Variants in ERG observed in about 807,000 individuals in gnomAD.
ERG encodes ETS transcription factor ERG.
ERG carries 9 observed loss-of-function variants against 55.3 expected under a neutral mutation model. The ratio of observed to expected loss-of-function variants is 0.16; its 90% confidence interval spans 0.10 to 0.28. The LOEUF is 0.28. Among genes scored for constraint, ERG ranks in the 10% least tolerant of loss-of-function variants. The pLI is 1.00. For missense variants in ERG, 434 were observed against 631.6 expected (o/e 0.69, Z 3.35); for synonymous variants, 223 against 237.3 (o/e 0.94, Z 0.55).
chr21:38,586,013 C>T (rs796637178), upstream of ERG, among the ~76,000 whole-genome samples: 3 of 151,892 alleles, frequency 2.0e-5, no homozygotes, highest in African/African-American at 7.2e-5. Flanking sequence ...AGAGGATGAC[C>T]TGAGAAAAGT....
chr21:38,641,942 A>T (rs1193278209), intron 1 of ERG, among the ~76,000 whole-genome samples: 1 of 152,186 alleles, frequency 6.6e-6, no homozygotes. Context: ...TTGGCCTGGG[A>T]TAGGACCTGG....
In ERG at chr21:38,391,014, A is replaced by G. The variant is rs745382097; in HGVS notation, c.900T>C (p.Ser300=). The change falls in exon 9 of 10, where the codon AGT becomes AGC. Residue 300 remains serine (S), a synonymous_variant. Coordinates refer to ENST00000288319, the MANE Select transcript of ERG (RefSeq NM_182918.4). The part of the protein sequence containing the change: ...LDPYQILGPT[S]SRLANPGSGQ... The stretch of plus-strand genomic sequence containing the variant: ...TCTCACCTGGATTTGCAAGGCGGCT[A>G]CTTGTTGGTCCAAGAATCTGATAAG... 3 of 1,613,820 alleles carry G rather than the reference A, an allele frequency of 1.9e-6. No homozygotes were observed. Among genetic ancestry groups the G allele is most frequent in the Non-Finnish European group, 2.5e-6 (3 of 1,179,790 alleles).
intron 1 of ERG, among the ~76,000 whole-genome samples, chr21:38,593,257 G>A (rs1162713949): frequency 1.3e-5 from 2 of 152,148 alleles, no homozygotes; most frequent in African/African-American, 2.4e-5. Context: ...TTTGAAAGGC[G>A]GATGACATCA....
chr21:38,624,044 G>A (rs1210665573), intron 1 of ERG, among the ~76,000 whole-genome samples: 3 of 152,072 alleles, frequency 2.0e-5, no homozygotes, highest in East Asian at 1.9e-4. Flanking sequence ...AAAGCATCTC[G>A]GCCTTCATCC....
chr21:38,521,293 C>G (rs1334252026), intron 2 of ERG, among the ~76,000 whole-genome samples: 2 of 152,152 alleles, frequency 1.3e-5, no homozygotes, highest in Non-Finnish European at 2.9e-5. Context: ...ATCACAAAAC[C>G]TTACTAGATA....
rs1254364539 is a variant in ERG, at chr21:38,423,629, A to G, written c.237-68T>C. 1.9e-5 allele frequency: 29 copies of G among 1,495,786 alleles called. No individual in the cohort carries two copies. In the Middle Eastern group the frequency reaches 7.1e-4, roughly 36 times the overall value. 92.7% of individuals were successfully genotyped at this position (1,495,786 alleles called of 1,614,324 possible). On this transcript the variant is annotated intron_variant, in intron 2 of 9. Transcript: ENST00000288319. ...GAGCATGTCTCCATCGACTTCTCAC[A>G]ATACACAGAGAGAACCAAAGAAGGG... is the stretch of plus-strand genomic sequence containing the variant.
intron 1 of ERG, among the ~76,000 whole-genome samples, chr21:38,651,199 T>C (rs1193791642): frequency 6.6e-6 from 1 of 152,216 alleles, no homozygotes; most frequent in Non-Finnish European, 1.5e-5. Context: ...TTCCCTCCAA[T>C]GTAAAAACTG....
intron 1 of ERG, among the ~76,000 whole-genome samples, chr21:38,641,183 C>G (rs1355138618): frequency 6.6e-6 from 1 of 152,166 alleles, no homozygotes; most frequent in Non-Finnish European, 1.5e-5. Flanking sequence ...AAGGTAATGG[C>G]ATTAGGAGCT....
intron 1 of ERG, among the ~76,000 whole-genome samples, chr21:38,620,543 G>C (rs964797067): frequency 6.6e-6 from 1 of 152,124 alleles, no homozygotes; most frequent in Non-Finnish European, 1.5e-5. Context: ...GTAAGGAATG[G>C]AATTTTTAAT....
chr21:38,565,407 G>A (rs576941124), intron 2 of ERG, among the ~76,000 whole-genome samples: 25 of 152,078 alleles, frequency 1.6e-4, no homozygotes, highest in Non-Finnish European at 1.9e-4. Context: ...TTCTCCTCCC[G>A]CAGTGTGCCA....
At chr21:38,374,424 C>T in the ERG span, among the ~76,000 whole-genome samples, 3 of 152,094 alleles carry the variant, frequency 2.0e-5, no homozygotes, top group Non-Finnish European at 2.9e-5. Context: ...GTGGACTTCC[C>T]GAGTAGAAAG....
At chr21:38,451,330 T>A (rs74946238) in intron 1 of ERG, 100 of 419,998 alleles carry the variant, frequency 2.4e-4, no homozygotes, top group African/African-American at 2.0e-3. Context: ...GTTAATCATT[T>A]CTTTTGCAAT....
chr21:38,400,562 G>A lies in ERG; in HGVS notation c.745+12C>T, dbSNP rs774099865. On this transcript the variant is annotated intron_variant, in intron 6 of 9. Transcript: ENST00000288319. ...CTCTCAATGAAGAGATCACACAGGG[G>A]TGTTTTCGTACCTGGCCTAGTTGTA... 2 of 1,601,820 alleles carry A rather than the reference G, an allele frequency of 1.2e-6. No homozygotes were observed. The highest frequency in any genetic ancestry group is 2.2e-5 in the East Asian group (1 of 44,840).
chr21:38,600,560 G>C (rs1232555722), intron 1 of ERG, among the ~76,000 whole-genome samples: 2 of 152,268 alleles, frequency 1.3e-5, no homozygotes, highest in East Asian at 3.9e-4. Flanking sequence ...CAGAACTGTA[G>C]AATCCAACAT....
At chr21:38,497,969 G>A (rs919648594) in intron 1 of ERG, among the ~76,000 whole-genome samples, 1 of 152,174 alleles carries the variant, frequency 6.6e-6, no homozygotes, top group Admixed American at 6.5e-5. Flanking sequence ...CCAAATGTCT[G>A]ACATTCACAA....
chr21:38,566,944 C>T (rs182704472), intron 2 of ERG, among the ~76,000 whole-genome samples: 3 of 152,306 alleles, frequency 2.0e-5, no homozygotes, highest in East Asian at 1.9e-4. Flanking sequence ...GCTAACCATG[C>T]GCAACTTCCA....
intron 1 of ERG, among the ~76,000 whole-genome samples, chr21:38,493,543 T>C (rs2059354901): frequency 6.6e-6 from 1 of 152,232 alleles, no homozygotes; most frequent in South Asian, 2.1e-4. Flanking sequence ...TTATAATTTA[T>C]GCTAAAGAAC....
At chr21:38,535,835 A>G (rs940239263) in intron 2 of ERG, among the ~76,000 whole-genome samples, 3 of 152,206 alleles carry the variant, frequency 2.0e-5, no homozygotes, top group Admixed American at 6.5e-5. Flanking sequence ...TGCTTCTTTC[A>G]TAAGAGGAAT....
chr21:38,524,990 C>T (rs73215953), intron 2 of ERG, among the ~76,000 whole-genome samples: 190 of 152,262 alleles, frequency 1.2e-3, no homozygotes, highest in Non-Finnish European at 2.0e-3. Context: ...ACAAAGAGAC[C>T]AACAGTCGCA....
Sources: allele counts gnomAD v4.1 joint callset (sites outside exome capture counted in the v4.1 genomes callset), GRCh38; gene constraint gnomAD v4.1.1; transcripts MANE v1.5; gene names NCBI Gene and HGNC (gene_info 2026-07-23, HGNC 2026-07-21).